ANO2: variants seen among roughly 807,000 people sequenced by gnomAD.
ANO2 encodes the protein anoctamin-2.
A neutral mutation model predicts 124.2 loss-of-function variants in ANO2; 101 were observed. The ratio of observed to expected loss-of-function variants is 0.81; its 90% CI spans 0.69 to 0.96. ANO2 has a LOEUF of 0.96. ANO2 is among the 40% of genes least tolerant of loss of function. The probability of loss-of-function intolerance (pLI) is 0.00; values close to 1 mark genes in which losing one functional copy is unlikely to be tolerated. For synonymous variants in ANO2, 486 were observed against 482.5 expected, an observed-to-expected ratio of 1.01 and a Z score of -0.09; for missense variants, 1,293 against 1,274.5, an observed-to-expected ratio of 1.01 and a Z score of -0.22.
At chr12:5,853,826 T>A (rs1474309387) in intron 4 of ANO2, among the ~76,000 whole-genome samples, 4 of 151,728 alleles carry the variant, frequency 2.6e-5, no homozygotes, top group Non-Finnish European at 4.4e-5. Context: ...ACCCAGCCAG[T>A]GCTCTGAGGT....
At chr12:5,915,303 C>A (rs1941315049) in intron 3 of ANO2, among the ~76,000 whole-genome samples, 1 of 152,118 alleles carries the variant, frequency 6.6e-6, no homozygotes, top group Non-Finnish European at 1.5e-5. Flanking sequence ...TGATAAAATG[C>A]TGAATTGTCT....
chr12:5,940,403 G>C (rs192048356), intron 1 of ANO2, among the ~76,000 whole-genome samples: 1 of 152,160 alleles, frequency 6.6e-6, no homozygotes, highest in African/African-American at 2.4e-5. Flanking sequence ...TTTAGAAGTC[G>C]AAGAGCCACA....
intron 14 of ANO2, among the ~76,000 whole-genome samples, chr12:5,657,392 G>T (rs1194602321): frequency 6.6e-6 from 1 of 152,164 alleles, no homozygotes; most frequent in East Asian, 1.9e-4. Flanking sequence ...GCTGGCTTGA[G>T]GAGACATGAA....
At chr12:5,854,183 G>A (rs763579221) in intron 3 of ANO2, 42 bp from the exon 4 acceptor site, 1 of 1,557,718 alleles carries the variant, frequency 6.4e-7, no homozygotes, top group Non-Finnish European at 8.8e-7. Flanking sequence ...CACTTGTAAG[G>A]ACATAGCTTA....
chr12:5,825,458 ATCCACTAGCAAAATTTT>A (rs1293455396), intron 7 of ANO2, among the ~76,000 whole-genome samples: 5 of 152,134 alleles, frequency 3.3e-5, no homozygotes, highest in Admixed American at 1.3e-4. Flanking sequence ...GCCCCTAGTG[ATCCACTAGCAAAATTTT>A]TGCTTCCTGT....
intron 14 of ANO2, among the ~76,000 whole-genome samples, chr12:5,679,386 C>T (rs1393337962): frequency 1.3e-5 from 2 of 152,258 alleles, no homozygotes; most frequent in African/African-American, 2.4e-5. Context: ...GCAACCTATC[C>T]ATCTGACAAA....
At chr12:5,730,057 T>C (rs1206745709) in intron 14 of ANO2, among the ~76,000 whole-genome samples, 1 of 152,190 alleles carries the variant, frequency 6.6e-6, no homozygotes, top group Admixed American at 6.5e-5. Flanking sequence ...ATAAATTGTG[T>C]AGATAATTGC....
At chr12:5,704,478 T>C (rs749740711) in intron 14 of ANO2, among the ~76,000 whole-genome samples, 5 of 152,178 alleles carry the variant, frequency 3.3e-5, no homozygotes, top group Non-Finnish European at 7.3e-5. Flanking sequence ...GCTTCTGGTA[T>C]TCTCAAAATC....
chr12:5,878,045 G>A (rs370903085), intron 3 of ANO2, among the ~76,000 whole-genome samples: 22 of 152,252 alleles, frequency 1.4e-4, no homozygotes, highest in African/African-American at 5.1e-4. Flanking sequence ...TAAGAGTCAT[G>A]TCTGTTATCA....
intron 3 of ANO2, among the ~76,000 whole-genome samples, chr12:5,920,036 AATGGATGGATGGATGGATGGATGG>A (rs558209463): frequency 1.4e-5 from 2 of 145,516 alleles, no homozygotes; most frequent in African/African-American, 5.1e-5. Context: ...GGTGTGGATA[AATGGATGGATGGATGGATGGATGG>A]ATGGATGGAT....
intron 3 of ANO2, among the ~76,000 whole-genome samples, chr12:5,861,873 C>T (rs57147454): frequency 0.017 from 2,637 of 152,200 alleles, 69 homozygotes; most frequent in African/African-American, 0.056. Flanking sequence ...GTGGCCAGGG[C>T]AGCCATCGTC....
At chr12:5,684,073 C>T (rs890175226) in intron 14 of ANO2, among the ~76,000 whole-genome samples, 1 of 152,200 alleles carries the variant, frequency 6.6e-6, no homozygotes, top group African/African-American at 2.4e-5. Context: ...ACCACCACTG[C>T]AGTCACAGGC....
chr12:5,747,633 G>C (rs1421515198), intron 11 of ANO2, among the ~76,000 whole-genome samples: 2 of 152,116 alleles, frequency 1.3e-5, no homozygotes, highest in African/African-American at 4.8e-5. Context: ...AAAACAATCT[G>C]TTACATCAGA....
chr12:5,746,648 G>A (rs548239322), intron 11 of ANO2, among the ~76,000 whole-genome samples: 3 of 152,252 alleles, frequency 2.0e-5, no homozygotes, highest in Admixed American at 6.5e-5. Flanking sequence ...CTTGATAAAC[G>A]GCTTGACAGT....
intron 1 of ANO2, among the ~76,000 whole-genome samples, chr12:5,923,247 TAC>T (rs1941904487): frequency 1.9e-4 from 8 of 42,894 alleles, no homozygotes; most frequent in African/African-American, 3.8e-4. Flanking sequence ...CACACACGCA[TAC>T]ACACACATAC....
chr12:5,848,649 C>A (rs973979403), intron 4 of ANO2, among the ~76,000 whole-genome samples: 4 of 152,164 alleles, frequency 2.6e-5, no homozygotes, highest in Non-Finnish European at 5.9e-5. Flanking sequence ...CAGGTGGAGC[C>A]GTCGTGTTTA....
chr12:5,740,406 T>C (rs10849329), intron 12 of ANO2: 64,794 of 165,394 alleles, frequency 0.39, 14,024 homozygotes, highest in East Asian at 0.59. Context: ...TTTGAGTAAG[T>C]TGGAGTGAAT....
chr12:5,812,222 AGGGAAGG>A (rs1184323955), intron 7 of ANO2, among the ~76,000 whole-genome samples: 1 of 118,088 alleles, frequency 8.5e-6, no homozygotes, highest in African/African-American at 3.2e-5. Flanking sequence ...AGGAAAGGGA[AGGGAAGG>A]GGGAAGGGGA....
At chr12:5,832,180 C>G (rs1954172878) in intron 5 of ANO2, among the ~76,000 whole-genome samples, 1 of 152,230 alleles carries the variant, frequency 6.6e-6, no homozygotes, top group Non-Finnish European at 1.5e-5. Flanking sequence ...TTATTGTTGG[C>G]TGCTCCCTGG....
Sources: gnomAD v4.1 joint callset for allele counts (sites outside exome capture counted in the v4.1 genomes callset) on GRCh38, gnomAD v4.1.1 for gene constraint, MANE v1.5 for transcripts, NCBI Gene and HGNC (gene_info 2026-07-23, HGNC 2026-07-21) for gene names.